PTPRD: variants seen among roughly 807,000 people sequenced by gnomAD.
PTPRD encodes receptor-type tyrosine-protein phosphatase delta.
PTPRD carries 34 observed loss-of-function variants against 214.5 expected under a neutral mutation model. The observed-to-expected ratio is 0.16, with a 90% CI of 0.12 to 0.21. The LOEUF is 0.21. Ranked by LOEUF, PTPRD falls within the 10% of genes least tolerant of loss-of-function variation. The pLI is 1.00. For missense variants in PTPRD, 2,545 were observed against 2,398.7 expected, an observed-to-expected ratio of 1.06 and a Z score of -1.27; for synonymous variants, 1,128 against 845.7, an observed-to-expected ratio of 1.33 and a Z score of -5.79.
intron 11 of PTPRD, among the ~76,000 whole-genome samples, chr9:8,934,455 A>G (rs1376389600): frequency 6.0e-5 from 1 of 16,798 alleles, no homozygotes; most frequent in East Asian, 1.8e-3. Flanking sequence ...ATAAATTTAT[A>G]TATATATAAA....
At chr9:9,694,699 A>C (rs2097338522) in intron 7 of PTPRD, among the ~76,000 whole-genome samples, 2 of 150,986 alleles carry the variant, frequency 1.3e-5, no homozygotes, top group South Asian at 4.2e-4. Flanking sequence ...AGTCCTTCCC[A>C]CTCTTCCCTT....
At chr9:9,202,310 G>C (rs1235786200) in intron 9 of PTPRD, among the ~76,000 whole-genome samples, 1 of 152,090 alleles carries the variant, frequency 6.6e-6, no homozygotes, top group Non-Finnish European at 1.5e-5. Flanking sequence ...TATGCAAGAT[G>C]GTTAAAAATT....
chr9:9,027,486 A>T (rs1437405898), intron 10 of PTPRD, among the ~76,000 whole-genome samples: 1 of 151,880 alleles, frequency 6.6e-6, no homozygotes, highest in Non-Finnish European at 1.5e-5. Context: ...TAAATTTTGG[A>T]TTTTAGCATC....
At chr9:9,601,109 A>ATGTGTGTGTG (rs1273113716) in intron 7 of PTPRD, among the ~76,000 whole-genome samples, 18 of 102,168 alleles carry the variant, frequency 1.8e-4, no homozygotes, top group African/African-American at 6.0e-4. Context: ...AGAGATTAAT[A>ATGTGTGTGTG]TATGTGTGTG....
intron 5 of PTPRD, among the ~76,000 whole-genome samples, chr9:9,919,768 A>G (rs1200610690): frequency 6.6e-6 from 1 of 152,168 alleles, no homozygotes; most frequent in Non-Finnish European, 1.5e-5. Flanking sequence ...GGTGCTAACT[A>G]TTTAACCTGC....
chr9:9,710,572 A>T (rs1010810217), intron 7 of PTPRD, among the ~76,000 whole-genome samples: 7 of 151,262 alleles, frequency 4.6e-5, no homozygotes, highest in African/African-American at 1.5e-4. Flanking sequence ...GGTCATTCTG[A>T]CTCCATGCAA....
intron 2 of PTPRD, among the ~76,000 whole-genome samples, chr9:10,550,875 C>T (rs2061193374): frequency 6.6e-6 from 1 of 152,218 alleles, no homozygotes; most frequent in African/African-American, 2.4e-5. Flanking sequence ...TTATTCCACA[C>T]ATCATTACAT....
intron 5 of PTPRD, among the ~76,000 whole-genome samples, chr9:9,871,831 G>C (rs1005538740): frequency 6.6e-6 from 1 of 152,136 alleles, no homozygotes; most frequent in African/African-American, 2.4e-5. Context: ...AAGGGGCCTG[G>C]GGGGAGGGGT....
intron 21 of PTPRD, among the ~76,000 whole-genome samples, chr9:8,511,061 T>G: frequency 6.6e-6 from 1 of 151,890 alleles, no homozygotes; most frequent in African/African-American, 2.4e-5. Context: ...TTTACCTACA[T>G]TTTATTTATA....
At chr9:8,512,098 G>C (rs1208486307) in intron 21 of PTPRD, among the ~76,000 whole-genome samples, 1 of 152,026 alleles carries the variant, frequency 6.6e-6, no homozygotes, top group Admixed American at 6.6e-5. Context: ...AAAGATACTA[G>C]AAAACCCATG....
chr9:9,942,042 G>T (rs1357144857), intron 4 of PTPRD, among the ~76,000 whole-genome samples: 2 of 152,102 alleles, frequency 1.3e-5, no homozygotes, highest in Non-Finnish European at 2.9e-5. Context: ...ACTAGGTAAT[G>T]AATTCCTGTG....
intron 11 of PTPRD, among the ~76,000 whole-genome samples, chr9:8,806,779 G>C (rs534973576): frequency 1.3e-5 from 2 of 152,144 alleles, no homozygotes; most frequent in South Asian, 2.1e-4. Flanking sequence ...ATTACTGTTA[G>C]AAATATATTT....
chr9:10,380,002 C>T (rs1429917525), intron 2 of PTPRD, among the ~76,000 whole-genome samples: 1 of 151,938 alleles, frequency 6.6e-6, no homozygotes, highest in Non-Finnish European at 1.5e-5. Context: ...CCCAGGCTAG[C>T]AGGCTAGAAT....
At chr9:8,644,635 A>G (rs2154338331) in intron 12 of PTPRD, among the ~76,000 whole-genome samples, 1 of 152,284 alleles carries the variant, frequency 6.6e-6, no homozygotes, top group Admixed American at 6.5e-5. Flanking sequence ...CCAAGTTTCC[A>G]GGTGCCACTG....
chr9:9,984,644 T>G (rs540118321), intron 4 of PTPRD, among the ~76,000 whole-genome samples: 1 of 152,218 alleles, frequency 6.6e-6, no homozygotes, highest in African/African-American at 2.4e-5. Context: ...ACATGGGCAT[T>G]TACACTTAAT....
intron 3 of PTPRD, among the ~76,000 whole-genome samples, chr9:10,205,255 C>T (rs1052261268): frequency 6.6e-6 from 1 of 151,554 alleles, no homozygotes; most frequent in African/African-American, 2.4e-5. Context: ...AAAAATACAA[C>T]AAAAACTTTA....
chr9:8,603,403 G>A (rs2094990746), intron 14 of PTPRD, among the ~76,000 whole-genome samples: 1 of 152,084 alleles, frequency 6.6e-6, no homozygotes, highest in African/African-American at 2.4e-5. Context: ...TGGGTCTTTG[G>A]CCCTATAGAC....
intron 23 of PTPRD, 145 bp downstream of exon 23, chr9:8,504,116 C>T: frequency 1.3e-6 from 1 of 767,648 alleles, no homozygotes; most frequent in Non-Finnish European, 2.1e-6. Context: ...CACAGTTACA[C>T]TTTCACCTGT....
chr9:8,623,561 T>A (rs934494870), intron 14 of PTPRD, among the ~76,000 whole-genome samples: 3 of 151,896 alleles, frequency 2.0e-5, no homozygotes, highest in African/African-American at 4.8e-5. Flanking sequence ...AATTAACTCT[T>A]AATAATAATC....
Sources: allele counts gnomAD v4.1 joint callset (sites outside exome capture counted in the v4.1 genomes callset), GRCh38; gene constraint gnomAD v4.1.1; transcripts MANE v1.5; gene names NCBI Gene and HGNC (gene_info 2026-07-23, HGNC 2026-07-21).